The following MTFR1 variants were observed in gnomAD, a reference collection of about 807,000 sequenced individuals.
The protein encoded by MTFR1 is chondrocyte protein with a poly-proline region.
A neutral mutation model predicts 38.8 loss-of-function variants in MTFR1; 28 were observed. That is an observed-to-expected ratio of 0.72 (90% CI 0.53 to 0.99). The LOEUF (loss-of-function observed/expected upper bound fraction) is 0.99, where lower values mean the gene tolerates loss of function less well. Among genes scored for constraint, MTFR1 ranks in the 50% least tolerant of loss-of-function variants. The pLI is 0.00. For synonymous variants in MTFR1, 145 were observed against 137.0 expected (o/e 1.06, Z -0.41); for missense variants, 358 against 395.5 (o/e 0.91, Z 0.81).
At chr8:65,774,045 G>T (rs1411203519), downstream of MTFR1, among the ~76,000 whole-genome samples, 4 of 151,990 alleles carry the variant, frequency 2.6e-5, no homozygotes, top group African/African-American at 9.7e-5. Context: ...TTTCCAATGA[G>T]CAATACGTTC....
intron 1 of MTFR1, among the ~76,000 whole-genome samples, chr8:65,646,633 C>T (rs571852151): frequency 3.3e-5 from 5 of 151,928 alleles, no homozygotes; most frequent in Non-Finnish European, 5.9e-5. Context: ...TTGCAAAGGC[C>T]GAGGCAAGAG....
chr8:65,680,419 C>T (rs1431496619), intron 2 of MTFR1, among the ~76,000 whole-genome samples: 1 of 152,142 alleles, frequency 6.6e-6, no homozygotes, highest in Non-Finnish European at 1.5e-5. Flanking sequence ...CCTACCTCAG[C>T]CTCCCAAAGC....
At position 65,709,046 on chromosome 8, in the gene MTFR1, A is replaced by C; in HGVS notation, c.*2A>C. 6.2e-7 allele frequency: 1 copy of C among 1,613,880 alleles called. No individual in the cohort carries two copies. Among genetic ancestry groups the C allele is most frequent in the Non-Finnish European group, 8.5e-7 (1 of 1,179,772 alleles). On this transcript the variant is annotated 3_prime_UTR_variant, in exon 8 of 8. Coordinates refer to ENST00000262146, the MANE Select transcript of MTFR1 (RefSeq NM_014637.4). ...ATTGAAAATGTATCAGACTCCTAATAGACAATGAGCTGCGAAAAGACTCCT... is the reference window on the plus strand; with the variant it reads ...ATTGAAAATGTATCAGACTCCTAATCGACAATGAGCTGCGAAAAGACTCCT...
chr8:65,660,543 ATCCCTCAGGCCC>A (rs1224569385), intron 1 of MTFR1, among the ~76,000 whole-genome samples: 6 of 152,198 alleles, frequency 3.9e-5, no homozygotes, highest in African/African-American at 1.2e-4. Flanking sequence ...GAGCTTGGAT[ATCCCTCAGGCCC>A]TCCCTCAGGC....
chr8:65,725,202 CT>C, intron 3 of MTFR1: 1 of 224,792 alleles, frequency 4.4e-6, no homozygotes, highest in Non-Finnish European at 8.7e-6. Flanking sequence ...GTATTATTTG[CT>C]TTAAAAAAAA....
chr8:65,649,318 G>A (rs372211512), intron 1 of MTFR1, among the ~76,000 whole-genome samples: 12 of 151,992 alleles, frequency 7.9e-5, no homozygotes, highest in East Asian at 1.9e-4. Context: ...CCGAGTAGCT[G>A]GGATTACAGG....
intron 1 of MTFR1, among the ~76,000 whole-genome samples, chr8:65,647,442 A>G: frequency 6.6e-6 from 1 of 152,126 alleles, no homozygotes. Flanking sequence ...CCTCCCATGT[A>G]GCTGGATTAC....
chr8:65,734,476 A>G (rs1325862882), intron 3 of MTFR1, among the ~76,000 whole-genome samples: 1 of 152,178 alleles, frequency 6.6e-6, no homozygotes, highest in Non-Finnish European at 1.5e-5. Context: ...CTCCTCATTC[A>G]TTCACTGAGT....
chr8:65,654,680 C>T (rs937985218), intron 1 of MTFR1, among the ~76,000 whole-genome samples: 7 of 152,090 alleles, frequency 4.6e-5, no homozygotes, highest in African/African-American at 1.4e-4. Flanking sequence ...TGGGCTCAAG[C>T]GATCCTTCTG....
chr8:65,676,274 A>G (rs748083737), intron 2 of MTFR1, among the ~76,000 whole-genome samples: 1 of 152,252 alleles, frequency 6.6e-6, no homozygotes, highest in Admixed American at 6.5e-5. Context: ...AAAGTAACAC[A>G]TACACAATTT....
chr8:65,674,141 C>T (rs912775731), intron 2 of MTFR1, among the ~76,000 whole-genome samples: 5 of 152,010 alleles, frequency 3.3e-5, no homozygotes, highest in African/African-American at 1.2e-4. Context: ...CCATGTTGGC[C>T]AGGCTGGTCT....
Position 65,709,069 on chromosome 8 carries a change from C to T in MTFR1, c.*25C>T, listed in dbSNP as rs1271832396. 4.4e-6 allele frequency: 7 copies of T among 1,609,018 alleles called. No individual in the cohort carries two copies. In the South Asian group the frequency reaches 7.7e-5, roughly 18 times the overall value. ...ATAGACAATGAGCTGCGAAAAGACT[C>T]CTGGTTCCCCTGTTGATTTGTGAGG... On this transcript the variant is annotated 3_prime_UTR_variant, in exon 8 of 8. Transcript: ENST00000262146.
intron 3 of MTFR1, chr8:65,739,710 CT>C: frequency 8.9e-7 from 1 of 1,122,132 alleles, no homozygotes; most frequent in South Asian, 3.4e-5. Context: ...ATAATTCCCA[CT>C]TTTTGTCTAT....
At chr8:65,724,618 T>TA (rs1312142366) in intron 3 of MTFR1, among the ~76,000 whole-genome samples, 4 of 152,322 alleles carry the variant, frequency 2.6e-5, no homozygotes, top group South Asian at 2.1e-4. Flanking sequence ...GATTCACCAG[T>TA]GATCTCCTTT....
chr8:65,693,551 C>G, intron 3 of MTFR1, 93 bp from the exon 4 acceptor site: 1 of 930,686 alleles, frequency 1.1e-6, no homozygotes, highest in East Asian at 2.6e-5. Flanking sequence ...GTTTTTAACA[C>G]CAGAGCTGAC....
intron 3 of MTFR1, chr8:65,745,418 C>T (rs777177123): frequency 1.3e-6 from 2 of 1,558,720 alleles, no homozygotes; most frequent in Non-Finnish European, 8.9e-7. Flanking sequence ...ATTTGTTAGT[C>T]TATCAAATAG....
At chr8:65,653,519 A>G (rs1408100105) in intron 1 of MTFR1, among the ~76,000 whole-genome samples, 1 of 152,166 alleles carries the variant, frequency 6.6e-6, no homozygotes, top group African/African-American at 2.4e-5. Flanking sequence ...CTCAAAAAAT[A>G]AAAATAAGAA....
intron 3 of MTFR1, chr8:65,739,524 CA>C (rs1184023280): frequency 6.4e-7 from 1 of 1,566,984 alleles, no homozygotes; most frequent in Non-Finnish European, 8.6e-7. Flanking sequence ...GAAGTTTCAT[CA>C]TATCTAAATG....
chr8:65,673,738 C>T (rs1329790196), intron 2 of MTFR1, among the ~76,000 whole-genome samples: 1 of 151,938 alleles, frequency 6.6e-6, no homozygotes, highest in Non-Finnish European at 1.5e-5. Context: ...CCCATCTCTA[C>T]TAAAAATACA....
Sources: allele counts gnomAD v4.1 joint callset (sites outside exome capture counted in the v4.1 genomes callset), GRCh38; gene constraint gnomAD v4.1.1; transcripts MANE v1.5; gene names NCBI Gene and HGNC (gene_info 2026-07-23, HGNC 2026-07-21).